Variants in DNAJC1 observed in about 807,000 individuals in gnomAD.
DNAJC1 encodes dnaJ homolog subfamily C member 1.
Under a neutral mutation model 76.6 loss-of-function variants are expected in DNAJC1, and 58 were observed. The ratio of observed to expected loss-of-function variants is 0.76; its 90% CI spans 0.61 to 0.94. The LOEUF (loss-of-function observed/expected upper bound fraction) is 0.94. Ranked by LOEUF, DNAJC1 falls within the 40% of genes least tolerant of loss-of-function variation. The pLI, the probability that DNAJC1 is intolerant of heterozygous loss-of-function variation, is 0.00. For missense variants in DNAJC1, 689 were observed against 677.3 expected (o/e 1.02, Z -0.19); for synonymous variants, 258 against 267.9 (o/e 0.96, Z 0.36).
chr10:21,911,798 T>C (rs1421918619), intron 6 of DNAJC1, among the ~76,000 whole-genome samples: 1 of 152,204 alleles, frequency 6.6e-6, no homozygotes, highest in Non-Finnish European at 1.5e-5. Context: ...AGGGTCTATA[T>C]AATCATTCTG....
intron 6 of DNAJC1, among the ~76,000 whole-genome samples, chr10:21,918,279 C>T (rs1836986169): frequency 6.6e-6 from 1 of 151,336 alleles, no homozygotes; most frequent in Non-Finnish European, 1.5e-5. Flanking sequence ...AAACTCATTA[C>T]CTGTATAAGA....
At chr10:21,862,334 G>A (rs1835929176) in intron 8 of DNAJC1, among the ~76,000 whole-genome samples, 1 of 151,938 alleles carries the variant, frequency 6.6e-6, no homozygotes, top group African/African-American at 2.4e-5. Flanking sequence ...TCTTTCCTGT[G>A]ATAGTAACAC....
intron 11 of DNAJC1, 49 bp downstream of exon 11, chr10:21,759,121 C>T: frequency 3.2e-6 from 5 of 1,552,176 alleles, no homozygotes; most frequent in Non-Finnish European, 4.4e-6. Context: ...TGTGGCTCCT[C>T]TGGTGGGATT....
chr10:21,962,459 C>CT (rs34817098), intron 1 of DNAJC1, among the ~76,000 whole-genome samples: 753 of 39,874 alleles, frequency 0.019, 21 homozygotes, highest in African/African-American at 0.025. Flanking sequence ...TATTTTATTG[C>CT]TTTTTTTTTT....
At chr10:21,828,204 G>C (rs925793003) in intron 8 of DNAJC1, among the ~76,000 whole-genome samples, 2 of 152,144 alleles carry the variant, frequency 1.3e-5, no homozygotes, top group Non-Finnish European at 2.9e-5. Flanking sequence ...ATATGAGATG[G>C]CTGATCTAGG....
At chr10:21,906,190 C>T (rs1436036120) in intron 6 of DNAJC1, among the ~76,000 whole-genome samples, 1 of 151,950 alleles carries the variant, frequency 6.6e-6, no homozygotes, top group Non-Finnish European at 1.5e-5. Context: ...ATGTTCCTAC[C>T]TCATTTCTAT....
chr10:21,996,778 T>C (rs1257999640), intron 1 of DNAJC1, among the ~76,000 whole-genome samples: 1 of 152,228 alleles, frequency 6.6e-6, no homozygotes, highest in Non-Finnish European at 1.5e-5. Context: ...ACTTGCTTTA[T>C]CCCATAAAAT....
At chr10:21,815,736 G>C (rs1326969193) in intron 8 of DNAJC1, among the ~76,000 whole-genome samples, 4 of 151,870 alleles carry the variant, frequency 2.6e-5, no homozygotes, top group African/African-American at 9.7e-5. Flanking sequence ...ATGAGGCAGA[G>C]GTCAAGGTTC....
chr10:21,942,032 C>G (rs1221636607), intron 1 of DNAJC1, among the ~76,000 whole-genome samples: 1 of 151,884 alleles, frequency 6.6e-6, no homozygotes, highest in Non-Finnish European at 1.5e-5. Context: ...AGAGGAAAAA[C>G]AAAATCAAGC....
At chr10:21,945,504 T>C (rs1188799795) in intron 1 of DNAJC1, among the ~76,000 whole-genome samples, 1 of 151,444 alleles carries the variant, frequency 6.6e-6, no homozygotes, top group Non-Finnish European at 1.5e-5. Context: ...CAGGAAGGGG[T>C]AGAGTAAGGG....
chr10:21,929,238 G>C, intron 1 of DNAJC1, 97 bp from the exon 2 acceptor site: 1 of 755,026 alleles, frequency 1.3e-6, no homozygotes, highest in Non-Finnish European at 2.2e-6. Context: ...AGCCAACCAA[G>C]TGCAGGACCC....
At chr10:21,759,893 T>C (rs1322959371) in intron 10 of DNAJC1, among the ~76,000 whole-genome samples, 2 of 152,164 alleles carry the variant, frequency 1.3e-5, no homozygotes, top group African/African-American at 2.4e-5. Context: ...TGAGGAATAA[T>C]GGGTATATAA....
chr10:21,835,363 C>A (rs1835432643), intron 8 of DNAJC1, among the ~76,000 whole-genome samples: 1 of 152,038 alleles, frequency 6.6e-6, no homozygotes, highest in Admixed American at 6.5e-5. Flanking sequence ...TAGATAAAAC[C>A]ACAAAGATGG....
chr10:21,921,598 T>C (rs1453524995), intron 3 of DNAJC1, among the ~76,000 whole-genome samples: 1 of 151,986 alleles, frequency 6.6e-6, no homozygotes, highest in Non-Finnish European at 1.5e-5. Flanking sequence ...AACCAGTGTT[T>C]ATGTTGGATT....
intron 1 of DNAJC1, among the ~76,000 whole-genome samples, chr10:21,943,812 C>G (rs1265421027): frequency 1.3e-5 from 2 of 152,084 alleles, no homozygotes; most frequent in Non-Finnish European, 2.9e-5. Flanking sequence ...AGTCCAATTT[C>G]CCAATGTTAT....
intron 8 of DNAJC1, among the ~76,000 whole-genome samples, chr10:21,838,549 A>C (rs939768413): frequency 6.6e-6 from 1 of 152,006 alleles, no homozygotes; most frequent in Non-Finnish European, 1.5e-5. Context: ...TTATCTGCTG[A>C]CCTTCCCTCC....
chr10:21,853,405 A>T (rs1422712771), intron 8 of DNAJC1, among the ~76,000 whole-genome samples: 1 of 152,188 alleles, frequency 6.6e-6, no homozygotes, highest in Non-Finnish European at 1.5e-5. Context: ...CTTAACATGT[A>T]GATTAACCCT....
chr10:21,786,453 TATATATATATAGAGAGAGAGAGAG>T (rs1834610155), intron 9 of DNAJC1, among the ~76,000 whole-genome samples: 2 of 76,364 alleles, frequency 2.6e-5, no homozygotes, highest in African/African-American at 1.0e-4. Flanking sequence ...TATATATATA[TATATATATATAGAGAGAGAGAGAG>T]AGAGAGAGAG....
chr10:21,850,483 C>A (rs188880858), intron 8 of DNAJC1, among the ~76,000 whole-genome samples: 2 of 150,918 alleles, frequency 1.3e-5, no homozygotes, highest in African/African-American at 4.8e-5. Context: ...ATAAATGGAA[C>A]GACATCCCAT....
Sources: gnomAD v4.1 joint callset for allele counts (sites outside exome capture counted in the v4.1 genomes callset) on GRCh38, gnomAD v4.1.1 for gene constraint, MANE v1.5 for transcripts, NCBI Gene and HGNC (gene_info 2026-07-23, HGNC 2026-07-21) for gene names.